The following ZHX2 variants were observed in gnomAD, a reference collection of about 807,000 sequenced individuals.
The protein encoded by ZHX2 is zinc fingers and homeoboxes protein 2.
A neutral mutation model predicts 21.9 loss-of-function variants in ZHX2; 6 were observed. The ratio of observed to expected loss-of-function variants is 0.27; its 90% CI spans 0.15 to 0.54. The LOEUF (loss-of-function observed/expected upper bound fraction) is 0.54. ZHX2 is among the 20% of genes least tolerant of loss of function. The probability of loss-of-function intolerance (pLI) is 0.95; values close to 1 mark genes in which losing one functional copy is unlikely to be tolerated. For synonymous variants in ZHX2, 434 were observed against 437.1 expected, an observed-to-expected ratio of 0.99 and a Z score of 0.09; for missense variants, 908 against 1,090.7, an observed-to-expected ratio of 0.83 and a Z score of 2.36.
chr8:122,822,198 A>G (rs999575028), intron 1 of ZHX2, among the ~76,000 whole-genome samples: 1 of 152,226 alleles, frequency 6.6e-6, no homozygotes. Context: ...CCAGTATCAT[A>G]ACTTACCCCA....
intron 1 of ZHX2, among the ~76,000 whole-genome samples, chr8:122,810,054 T>C (rs571544055): frequency 5.6e-4 from 85 of 152,266 alleles, no homozygotes; most frequent in African/African-American, 2.0e-3. Flanking sequence ...TAAAAATATA[T>C]ATATATTTTT....
chr8:122,802,557 G>GGGTGGA lies in ZHX2; in HGVS notation c.-283+20611_-283+20612insGGTGGA, dbSNP rs1319591408. Among the ~76,000 whole-genome samples, 6 of 152,304 alleles carry GGGTGGA rather than the reference G, an allele frequency of 3.9e-5. No homozygotes were observed. In the East Asian group the frequency reaches 9.6e-4, roughly 24 times the overall value. ...CCTTTCCACCCAGATTGCCCCCACA[G>GGGTGGA]AACTGTCATGACGTTTCCGTGGAAA... On this transcript the variant is annotated intron_variant, in intron 1 of 3. Transcript: ENST00000314393.
chr8:122,938,208 C>T (rs1236385222), intron 2 of ZHX2, among the ~76,000 whole-genome samples: 2 of 152,038 alleles, frequency 1.3e-5, no homozygotes, highest in East Asian at 3.9e-4. Context: ...GCCGGGATTA[C>T]AGGCATGAGC....
intron 2 of ZHX2, among the ~76,000 whole-genome samples, chr8:122,893,807 A>C (rs1193641643): frequency 6.6e-6 from 1 of 152,150 alleles, no homozygotes; most frequent in East Asian, 1.9e-4. Context: ...TTCTCTTCAG[A>C]CATTTTGTAG....
chr8:122,846,235 A>G (rs1382341783), intron 1 of ZHX2, among the ~76,000 whole-genome samples: 1 of 152,122 alleles, frequency 6.6e-6, no homozygotes, highest in Non-Finnish European at 1.5e-5. Flanking sequence ...TGGGGAGGGG[A>G]GTTAGGGGAT....
At chr8:122,857,360 G>GAA (rs761871911) in intron 1 of ZHX2, among the ~76,000 whole-genome samples, 56 of 125,422 alleles carry the variant, frequency 4.5e-4, no homozygotes, top group East Asian at 4.5e-4. Flanking sequence ...GTCACAAACA[G>GAA]AAAAAAAAAA....
At chr8:122,944,436 A>G (rs1047025704) in intron 2 of ZHX2, among the ~76,000 whole-genome samples, 22 of 152,078 alleles carry the variant, frequency 1.4e-4, no homozygotes, top group African/African-American at 5.3e-4. Flanking sequence ...ACCCTGCCCT[A>G]CAAAATTAAG....
At chr8:122,959,993 G>T (rs982341901) in intron 3 of ZHX2, among the ~76,000 whole-genome samples, 5 of 152,170 alleles carry the variant, frequency 3.3e-5, no homozygotes, top group African/African-American at 9.7e-5. Flanking sequence ...TTCCTAATAA[G>T]TGATTTGGTT....
intron 2 of ZHX2, among the ~76,000 whole-genome samples, chr8:122,922,881 A>G (rs2130092376): frequency 6.6e-6 from 1 of 152,352 alleles, no homozygotes; most frequent in South Asian, 2.1e-4. Context: ...AATATTGTGT[A>G]ATAGAGATTC....
chr8:122,950,843 C>G (rs1226545398), intron 2 of ZHX2, among the ~76,000 whole-genome samples: 3 of 151,672 alleles, frequency 2.0e-5, no homozygotes, highest in Admixed American at 2.0e-4. Flanking sequence ...GATTTTCTAT[C>G]ATGATTTTGC....
chr8:122,950,408 C>T (rs1165691622), intron 2 of ZHX2, among the ~76,000 whole-genome samples: 1 of 152,030 alleles, frequency 6.6e-6, no homozygotes, highest in African/African-American at 2.4e-5. Flanking sequence ...GAACGTCACA[C>T]ACCGGGGCCT....
chr8:122,912,230 A>G (rs1057349527), intron 2 of ZHX2, among the ~76,000 whole-genome samples: 1 of 152,208 alleles, frequency 6.6e-6, no homozygotes, highest in African/African-American at 2.4e-5. Context: ...GAGAGAGTCA[A>G]CCCTGAAGGG....
At chr8:122,938,507 A>G (rs1812762642) in intron 2 of ZHX2, among the ~76,000 whole-genome samples, 1 of 152,112 alleles carries the variant, frequency 6.6e-6, no homozygotes, top group Admixed American at 6.5e-5. Context: ...AGCCAAGGGC[A>G]TGGCGAGGCA....
chr8:122,864,870 G>C (rs988239948), intron 2 of ZHX2, among the ~76,000 whole-genome samples: 1 of 152,186 alleles, frequency 6.6e-6, no homozygotes, highest in African/African-American at 2.4e-5. Context: ...ATGAGCACAC[G>C]GGTTCCTTTG....
intron 2 of ZHX2, among the ~76,000 whole-genome samples, chr8:122,938,793 A>C (rs1402173344): frequency 6.6e-6 from 1 of 151,972 alleles, no homozygotes; most frequent in Non-Finnish European, 1.5e-5. Context: ...AGCTGAAATC[A>C]CACCACTGCA....
chr8:122,959,068 A>G (rs1365596112), intron 3 of ZHX2, among the ~76,000 whole-genome samples: 2 of 152,196 alleles, frequency 1.3e-5, no homozygotes, highest in African/African-American at 2.4e-5. Context: ...CCACCTTCCC[A>G]TTTATTTTAA....
chr8:122,862,257 G>A (rs1334128465), intron 1 of ZHX2, among the ~76,000 whole-genome samples: 2 of 152,228 alleles, frequency 1.3e-5, no homozygotes, highest in Non-Finnish European at 2.9e-5. Context: ...TAGTGCAGTG[G>A]AAGGCAACAC....
chr8:122,804,400 C>T (rs976721359), intron 1 of ZHX2, among the ~76,000 whole-genome samples: 1 of 152,194 alleles, frequency 6.6e-6, no homozygotes, highest in African/African-American at 2.4e-5. Context: ...TAAGCCACCA[C>T]GCCCGGCCCC....
chr8:122,829,801 CAT>C (rs1818332836), intron 1 of ZHX2, among the ~76,000 whole-genome samples: 1 of 152,168 alleles, frequency 6.6e-6, no homozygotes, highest in African/African-American at 2.4e-5. Flanking sequence ...GCTTTCTGCA[CAT>C]ATAAGGTGAG....
Sources: allele counts gnomAD v4.1 joint callset (sites outside exome capture counted in the v4.1 genomes callset), GRCh38; gene constraint gnomAD v4.1.1; transcripts MANE v1.5; gene names NCBI Gene and HGNC (gene_info 2026-07-23, HGNC 2026-07-21).